The following SESTD1 variants were observed in gnomAD, a reference collection of about 807,000 sequenced individuals.
The protein encoded by SESTD1 is SEC14 and spectrin domain containing 1.
Under a neutral mutation model 101.7 loss-of-function variants are expected in SESTD1, and 43 were observed. The ratio of observed to expected loss-of-function variants is 0.42; its 90% CI spans 0.33 to 0.55. SESTD1 has a LOEUF of 0.55. SESTD1 is among the 20% of genes least tolerant of loss of function. The pLI is 0.07. For synonymous variants in SESTD1, 283 were observed against 286.8 expected (o/e 0.99, Z 0.13); for missense variants, 647 against 815.1 (o/e 0.79, Z 2.51).
intron 9 of SESTD1, among the ~76,000 whole-genome samples, chr2:179,133,236 T>C (rs777590239): frequency 2.6e-5 from 4 of 152,130 alleles, no homozygotes; most frequent in Admixed American, 6.5e-5. Flanking sequence ...CATCAAAACA[T>C]GATACCCCAC....
intron 5 of SESTD1, among the ~76,000 whole-genome samples, chr2:179,155,707 T>C: frequency 6.6e-6 from 1 of 152,166 alleles, no homozygotes; most frequent in East Asian, 1.9e-4. Flanking sequence ...CAAAAATCTC[T>C]CTTTTGAGAA....
At chr2:179,237,981 C>CCCCAAAAACTCCCCAAA (rs775661968) in intron 1 of SESTD1, among the ~76,000 whole-genome samples, 72 of 152,280 alleles carry the variant, frequency 4.7e-4, no homozygotes, top group Middle Eastern at 3.4e-3. Context: ...CCCAAAAACT[C>CCCCAAAAACTCCCCAAA]AGCTACTAAG....
At chr2:179,148,585 T>C (rs1258078358) in intron 7 of SESTD1, among the ~76,000 whole-genome samples, 1 of 152,220 alleles carries the variant, frequency 6.6e-6, no homozygotes, top group Non-Finnish European at 1.5e-5. Context: ...TTCTATAAGC[T>C]AGACATTTAA....
intron 1 of SESTD1, among the ~76,000 whole-genome samples, chr2:179,261,477 T>C (rs930603090): frequency 3.9e-5 from 6 of 152,076 alleles, no homozygotes; most frequent in African/African-American, 1.4e-4. Flanking sequence ...GGCAGTAAAA[T>C]AGGAATAAAC....
At chr2:179,193,097 T>C (rs181459749) in intron 1 of SESTD1, among the ~76,000 whole-genome samples, 75 of 151,914 alleles carry the variant, frequency 4.9e-4, no homozygotes, top group African/African-American at 1.7e-3. Flanking sequence ...AGCCCTGCTC[T>C]AGGGGGTGGG....
Position 179,119,380 on chromosome 2 carries a change from A to T in SESTD1, c.1443-1767T>A, listed in dbSNP as rs866334469. Among the ~76,000 whole-genome samples, 6 of 152,342 alleles carry T rather than the reference A, an allele frequency of 3.9e-5. No homozygotes were observed. The South Asian group carries it at 6.2e-4, about 16-fold the overall frequency. ...GTAACTTTAACCTAGGCAGGAAATT[A>T]AAAAAGGAGAGCAAGTTTTAGAGGA... On this transcript the variant is annotated intron_variant, in intron 13 of 17. Transcript: ENST00000428443.
At chr2:179,176,628 C>T in intron 3 of SESTD1, 90 bp from the exon 4 acceptor site, 2 of 946,450 alleles carry the variant, frequency 2.1e-6, no homozygotes, top group Non-Finnish European at 3.2e-6. Context: ...AACTTAATCG[C>T]ATATGGAGTA....
rs1474910657 is a variant in SESTD1, at chr2:179,208,554, T to C, written c.-25-16688A>G. 4.4e-5 allele frequency among the ~76,000 whole-genome samples: 6 copies of C among 135,076 alleles called. 1 individual carries two copies. Among genetic ancestry groups the C allele is most frequent in the South Asian group, 2.8e-4 (1 of 3,566 alleles). 88.6% of individuals were successfully genotyped at this position (135,076 alleles called of 152,430 possible). ...CAGAAACCCTGCAAGCCAGAAGGGA[T>C]TGGGGTCCTATCTTTAGCCTCCTTA... On this transcript the variant is annotated intron_variant, in intron 1 of 17. Transcript: ENST00000428443.
chr2:179,195,681 G>A (rs2046379984), intron 1 of SESTD1, among the ~76,000 whole-genome samples: 1 of 152,048 alleles, frequency 6.6e-6, no homozygotes, highest in Non-Finnish European at 1.5e-5. Flanking sequence ...AACTCACACA[G>A]CAAATGAAAC....
At chr2:179,149,229 TAG>T in intron 7 of SESTD1, 66 bp downstream of exon 7, 1 of 1,110,100 alleles carries the variant, frequency 9.0e-7, no homozygotes, top group South Asian at 1.5e-5. Flanking sequence ...GCATTAACAA[TAG>T]AGATATCTTT....
chr2:179,139,923 G>A (rs1226126826), intron 9 of SESTD1, among the ~76,000 whole-genome samples: 1 of 152,104 alleles, frequency 6.6e-6, no homozygotes, highest in Non-Finnish European at 1.5e-5. Context: ...CTGTATTCCT[G>A]CTGTCTGTGT....
intron 1 of SESTD1, among the ~76,000 whole-genome samples, chr2:179,229,817 A>AC (rs2046956038): frequency 2.1e-5 from 3 of 140,416 alleles, no homozygotes; most frequent in Non-Finnish European, 4.6e-5. Context: ...ACACACACAC[A>AC]ACCCTACTTG....
chr2:179,174,408 A>T (rs1449771853), intron 4 of SESTD1: 6 of 464,560 alleles, frequency 1.3e-5, no homozygotes, highest in Non-Finnish European at 2.7e-5. Context: ...TGTTCTTCAA[A>T]ACTGCCACTG....
At position 179,119,636 on chromosome 2, in the gene SESTD1, G is replaced by A. The variant is rs186743137; in HGVS notation, c.1443-2023C>T. ...TTCCTTTATAAATTATCCTGTCTTAGGTATAGCAGCGTGAGAATGGACTAA... is the reference window on the plus strand; with the variant it reads ...TTCCTTTATAAATTATCCTGTCTTAAGTATAGCAGCGTGAGAATGGACTAA... On this transcript the variant is annotated intron_variant, in intron 13 of 17. Transcript: ENST00000428443. 1.3e-3 allele frequency among the ~76,000 whole-genome samples: 203 copies of A among 152,272 alleles called. 1 individual carries two copies. Among genetic ancestry groups the A allele is most frequent in the East Asian group, 7.7e-4 (4 of 5,186 alleles).
chr2:179,143,910 A>G (rs2045339017), intron 8 of SESTD1, 107 bp from the exon 9 acceptor site: 3 of 1,112,838 alleles, frequency 2.7e-6, no homozygotes, highest in Admixed American at 2.6e-5. Flanking sequence ...ATCTACCTAC[A>G]TATCTACCAG....
At chr2:179,196,851 A>T (rs1329099307) in intron 1 of SESTD1, among the ~76,000 whole-genome samples, 1 of 152,192 alleles carries the variant, frequency 6.6e-6, no homozygotes, top group Non-Finnish European at 1.5e-5. Context: ...AACCACAAAG[A>T]TGGGGAAAAA....
intron 16 of SESTD1, among the ~76,000 whole-genome samples, chr2:179,114,627 C>G (rs557807673): frequency 6.8e-6 from 1 of 147,860 alleles, no homozygotes; most frequent in Non-Finnish European, 1.5e-5. Flanking sequence ...TACTTTTGTC[C>G]TTATTCTTAT....
chr2:179,178,767 A>G (rs1461422595), intron 3 of SESTD1, among the ~76,000 whole-genome samples: 2 of 152,162 alleles, frequency 1.3e-5, no homozygotes, highest in African/African-American at 4.8e-5. Flanking sequence ...GCCATGTGCC[A>G]TTCTCATAAT....
intron 1 of SESTD1, among the ~76,000 whole-genome samples, chr2:179,227,354 A>C (rs1430056043): frequency 1.3e-5 from 2 of 152,182 alleles, no homozygotes; most frequent in African/African-American, 4.8e-5. Context: ...CAAAATATTT[A>C]GATGGCTCCT....
Sources: allele counts gnomAD v4.1 joint callset (sites outside exome capture counted in the v4.1 genomes callset), GRCh38; gene constraint gnomAD v4.1.1; transcripts MANE v1.5; gene names NCBI Gene and HGNC (gene_info 2026-07-23, HGNC 2026-07-21).